The following DCTN4 variants were observed in gnomAD, a reference collection of about 807,000 sequenced individuals.
The protein encoded by DCTN4 is dynactin subunit 4.
Under a neutral mutation model 62.7 loss-of-function variants are expected in DCTN4, and 23 were observed. That is an observed-to-expected ratio of 0.37 (90% CI 0.26 to 0.52). DCTN4 has a LOEUF of 0.52. Ranked by LOEUF, DCTN4 falls within the 20% of genes least tolerant of loss-of-function variation. The pLI is 0.92. For missense variants in DCTN4, 514 were observed against 580.4 expected (o/e 0.89, Z 1.18); for synonymous variants, 199 against 202.1 (o/e 0.98, Z 0.13).
At chr5:150,722,649 C>T (rs1356511633) in intron 9 of DCTN4, among the ~76,000 whole-genome samples, 1 of 152,142 alleles carries the variant, frequency 6.6e-6, no homozygotes, top group African/African-American at 2.4e-5. Flanking sequence ...GACTTTCCAC[C>T]AAATAATCAA....
chr5:150,724,807 T>A (rs1760078926), intron 8 of DCTN4, among the ~76,000 whole-genome samples: 1 of 152,182 alleles, frequency 6.6e-6, no homozygotes, highest in African/African-American at 2.4e-5. Flanking sequence ...GTACTTTCCC[T>A]CCTTTTTTAT....
At chr5:150,719,190 A>T (rs1375103815) in intron 10 of DCTN4, among the ~76,000 whole-genome samples, 1 of 152,246 alleles carries the variant, frequency 6.6e-6, no homozygotes, top group Non-Finnish European at 1.5e-5. Context: ...CTAGATAAGC[A>T]AAACAAATCT....
intron 4 of DCTN4, among the ~76,000 whole-genome samples, chr5:150,739,837 C>T (rs1760708646): frequency 6.6e-6 from 1 of 152,180 alleles, no homozygotes; most frequent in South Asian, 2.1e-4. Flanking sequence ...AAAGGACATC[C>T]TATTCAATAA....
rs1752963696 is a variant in DCTN4 at position 150,758,967 on chromosome 5, C to G, written c.27G>C (p.Arg9=). 3.1e-6 allele frequency: 5 copies of G among 1,614,108 alleles called. No individual in the cohort carries two copies. The highest frequency in any genetic ancestry group is 4.2e-6 in the Non-Finnish European group (5 of 1,179,978). The stretch of plus-strand genomic sequence containing the variant: ...TTTCTCCCTGGACTAGATAGAGAAC[C>G]CGGTCCGACTGCAGCAAGGACGCCA... The part of the protein sequence containing the change: MASLLQSD[R]VLYLVQGEKK... Residue 9 remains arginine (R), a synonymous_variant, in exon 1 of 13, where the codon CGG becomes CGC. Coordinates refer to ENST00000447998, the MANE Select transcript of DCTN4 (RefSeq NM_016221.4).
At chr5:150,758,137 T>C in intron 1 of DCTN4, 1 of 985,612 alleles carries the variant, frequency 1.0e-6, no homozygotes. Context: ...TAAAGCTTAC[T>C]GAATAAACAA....
chr5:150,731,985 G>T, intron 5 of DCTN4: 2 of 1,257,934 alleles, frequency 1.6e-6, no homozygotes, highest in Non-Finnish European at 2.3e-6. Context: ...GCATATAGCA[G>T]GCAGGTTATA....
In DCTN4 at chr5:150,756,088, C is replaced by G. The variant is rs1232118128; in HGVS notation, c.206+329G>C. 3.5e-5 allele frequency among the ~76,000 whole-genome samples: 5 copies of G among 143,172 alleles called. No homozygotes were observed. In the East Asian group the frequency reaches 1.0e-3, roughly 29 times the overall value. The allele number at this position is 143,172 out of a possible 152,430, so 93.9% of individuals were successfully genotyped here. On this transcript the variant is annotated intron_variant, in intron 2 of 12. Transcript: ENST00000447998. ...ACAAAGACTTGCTCTGTTGCCCAGG[C>G]TGGAGTGCAGTGGCACAATCTTGGC...
At chr5:150,736,975 C>G (rs111900639) in intron 4 of DCTN4, among the ~76,000 whole-genome samples, 22,388 of 152,028 alleles carry the variant, frequency 0.15, 2,952 homozygotes, top group African/African-American at 0.35. Context: ...ATTCTTATAT[C>G]AGACAAAACA....
intron 3 of DCTN4, among the ~76,000 whole-genome samples, chr5:150,744,240 A>G (rs1057413385): frequency 6.6e-6 from 1 of 151,962 alleles, no homozygotes. Flanking sequence ...AGTTTAGAGA[A>G]AAAAGAATAA....
In DCTN4 at chr5:150,731,169, A is replaced by AAAAAC. The variant is rs750811794; in HGVS notation, c.612-18_612-14dup. The AAAAAC allele has an allele frequency of 8.5e-5, 133 of 1,555,878 alleles. No individual in the cohort carries two copies. In the East Asian group the frequency reaches 1.3e-3, roughly 15 times the overall value. On this transcript the variant is annotated splice_polypyrimidine_tract_variant and intron_variant, in intron 6 of 12. Transcript: ENST00000447998. Reference sequence around the variant, plus strand: ...TCCTTCTTTAAGGCTGAAAAATTAAAAAAACAAAACAAAACAAAACAAAAG... The same window carrying AAAAAC: ...TCCTTCTTTAAGGCTGAAAAATTAAAAAAACAAAACAAAACAAAACAAAACAAAAG...
intron 11 of DCTN4, among the ~76,000 whole-genome samples, chr5:150,715,911 T>C (rs1264837459): frequency 2.6e-5 from 4 of 152,142 alleles, no homozygotes; most frequent in Non-Finnish European, 4.4e-5. Flanking sequence ...TATTTTATTA[T>C]TTATTTTTTT....
intron 4 of DCTN4, among the ~76,000 whole-genome samples, chr5:150,741,908 C>T (rs772207041): frequency 1.3e-5 from 2 of 152,222 alleles, no homozygotes; most frequent in African/African-American, 2.4e-5. Flanking sequence ...ACTAAAGCTA[C>T]ACCTAGGATT....
chr5:150,751,727 G>A (rs777597882), intron 3 of DCTN4, among the ~76,000 whole-genome samples: 3 of 151,932 alleles, frequency 2.0e-5, no homozygotes, highest in Non-Finnish European at 4.4e-5. Flanking sequence ...AAGGAACTAA[G>A]ATATACTTAT....
At chr5:150,724,089 T>A (rs1357446178) in intron 8 of DCTN4, among the ~76,000 whole-genome samples, 1 of 152,210 alleles carries the variant, frequency 6.6e-6, no homozygotes, top group East Asian at 1.9e-4. Context: ...AAAGGGTGTA[T>A]GCATTTGCTA....
At chr5:150,751,328 G>A (rs1220265046) in intron 3 of DCTN4, among the ~76,000 whole-genome samples, 1 of 151,302 alleles carries the variant, frequency 6.6e-6, no homozygotes, top group South Asian at 2.1e-4. Context: ...ATACCCTAGA[G>A]GAGATACAGT....
chr5:150,744,184 G>C (rs989465685), intron 3 of DCTN4, among the ~76,000 whole-genome samples: 3 of 152,202 alleles, frequency 2.0e-5, no homozygotes, highest in Admixed American at 6.5e-5. Context: ...GGAAGAAAGG[G>C]TATCAGTGAC....
At chr5:150,714,385 CTT>C (rs908372762) in intron 12 of DCTN4, among the ~76,000 whole-genome samples, 1 of 146,094 alleles carries the variant, frequency 6.8e-6, no homozygotes. Flanking sequence ...CCAAAAATGT[CTT>C]TTTTTTTTTG....
chr5:150,758,960 A>G lies in DCTN4; in HGVS notation c.34T>C (p.Tyr12His). ...ACCTTCTTTTCTCCCTGGACTAGAT[A>G]GAGAACCCGGTCCGACTGCAGCAAG... The part of the protein sequence containing the change: ...ASLLQSDRVL[Y>H]LVQGEKKVRA... The change falls in exon 1 of 13, where the codon TAT becomes CAT. Residue 12 changes from tyrosine to histidine, a missense_variant. Transcript: ENST00000447998. 1 of 1,614,096 alleles carries G rather than the reference A, an allele frequency of 6.2e-7. No homozygotes were observed. Among genetic ancestry groups the G allele is most frequent in the Non-Finnish European group, 8.5e-7 (1 of 1,179,966 alleles).
At position 150,711,297 on chromosome 5, in the gene DCTN4, T is replaced by G. The variant is rs1275669758; in HGVS notation, c.1235A>C (p.Glu412Ala). 6.2e-7 allele frequency: 1 copy of G among 1,613,536 alleles called. No homozygotes were observed. Among genetic ancestry groups the G allele is most frequent in the Non-Finnish European group, 8.5e-7 (1 of 1,180,018 alleles). ...CTTGAAGCACACGGTCACTTCACCC[T>G]CCTCACGCTGTGGTGTAACTTTGAT... The part of the protein sequence containing the change: ...IFIKVTPQRE[E>A]GEVTVCFKMK... Residue 412 changes from glutamate to alanine, a missense_variant, in exon 13 of 13, where the codon GAG (glutamate) becomes GCG (alanine). Coordinates refer to ENST00000447998, the MANE Select transcript of DCTN4 (RefSeq NM_016221.4).
Sources: gnomAD v4.1 joint callset for allele counts (sites outside exome capture counted in the v4.1 genomes callset) on GRCh38, gnomAD v4.1.1 for gene constraint, MANE v1.5 for transcripts, NCBI Gene and HGNC (gene_info 2026-07-23, HGNC 2026-07-21) for gene names.